The following DDHD1 variants were observed in gnomAD, a reference collection of about 807,000 sequenced individuals.
DDHD1 encodes the protein phospholipase DDHD1.
DDHD1 carries 49 observed loss-of-function variants against 96.4 expected under a neutral mutation model. That is an observed-to-expected ratio of 0.51 (90% CI 0.40 to 0.64). The LOEUF is 0.64. DDHD1 is among the 30% of genes least tolerant of loss of function. DDHD1 has a pLI of 0.00. For synonymous variants in DDHD1, 442 were observed against 446.5 expected, an observed-to-expected ratio of 0.99 and a Z score of 0.13; for missense variants, 1,106 against 1,161.2, an observed-to-expected ratio of 0.95 and a Z score of 0.69.
Position 53,061,207 on chromosome 14 carries a change from A to G in DDHD1, c.1767-6T>C, listed in dbSNP as rs1883520935. The G allele has an allele frequency of 1.2e-6, 2 of 1,608,486 alleles. No homozygotes were observed. Among genetic ancestry groups the G allele is most frequent in the Admixed American group, 1.7e-5 (1 of 58,166 alleles). On this transcript the variant is annotated splice_polypyrimidine_tract_variant and splice_region_variant and intron_variant, in intron 7 of 12. Transcript: ENST00000673822. The stretch of plus-strand genomic sequence containing the variant: ...GTTCTTCTATTTCCTTCAGCCTAAG[A>G]AGGGGTATGAGATTATATACACACA...
chr14:53,052,116 G>GAAATATAATCTCATA (rs1882638599), intron 11 of DDHD1, among the ~76,000 whole-genome samples, 189 bp from the exon 12 acceptor site: 1 of 151,942 alleles, frequency 6.6e-6, no homozygotes, highest in African/African-American at 2.4e-5. Flanking sequence ...TAACTAACTT[G>GAAATATAATCTCATA]AAATATAATC....
chr14:53,098,203 G>A (rs1485905610), intron 2 of DDHD1, among the ~76,000 whole-genome samples: 1 of 151,916 alleles, frequency 6.6e-6, no homozygotes, highest in Non-Finnish European at 1.5e-5. Context: ...ATTAGCAAAA[G>A]ATGCATAACC....
At position 53,153,002 on chromosome 14, in the gene DDHD1, C is replaced by G; in HGVS notation, c.97G>C (p.Ala33Pro). 6.5e-7 allele frequency: 1 copy of G among 1,541,524 alleles called. No homozygotes were observed. The highest frequency in any genetic ancestry group is 8.7e-7 in the Non-Finnish European group (1 of 1,146,378). The change falls in exon 1 of 13, where the codon GCG (alanine) becomes CCG (proline). Residue 33 changes from alanine to proline, a missense_variant. Around this residue, in one of 2 missense-constraint regions of DDHD1, gnomAD observed 456 missense variants for 402.4 expected, o/e 1.13. Coordinates refer to ENST00000673822, the MANE Select transcript of DDHD1 (RefSeq NM_001160148.2). ...AAGCAGCAGACGCCGCCGCCGAACG[C>G]TGGCCTCGCGTCTGAGCCCAGCTCC... ...AWELGSDARP[A>P]FGGGVCCFEH... is the part of the protein sequence containing the mutation.
intron 2 of DDHD1, among the ~76,000 whole-genome samples, chr14:53,095,702 A>C (rs1017040879): frequency 6.6e-6 from 1 of 152,210 alleles, no homozygotes; most frequent in Non-Finnish European, 1.5e-5. Flanking sequence ...ATCTTTTGCA[A>C]GGGTTTAACA....
At chr14:53,083,889 A>G (rs1885706282) in intron 4 of DDHD1, among the ~76,000 whole-genome samples, 3 of 152,116 alleles carry the variant, frequency 2.0e-5, no homozygotes, top group African/African-American at 7.2e-5. Flanking sequence ...AATGATAGCA[A>G]TGCTCCTTGT....
Position 53,101,548 on chromosome 14 carries a change from A to G in DDHD1, c.1012+2135T>C, listed in dbSNP as rs887484092. On this transcript the variant is annotated intron_variant, in intron 2 of 12. Coordinates refer to ENST00000673822, the MANE Select transcript of DDHD1 (RefSeq NM_001160148.2). The stretch of plus-strand genomic sequence containing the variant: ...GCAAAAGTGTTCTAATAATTTAATA[A>G]TTTTCCATTACTAATTAAAATTTTA... 5.9e-5 allele frequency among the ~76,000 whole-genome samples: 9 copies of G among 152,154 alleles called. No homozygotes were observed. In the East Asian group the frequency reaches 1.7e-3, roughly 29 times the overall value.
intron 1 of DDHD1, among the ~76,000 whole-genome samples, chr14:53,124,773 C>G (rs924955470): frequency 6.6e-6 from 1 of 152,204 alleles, no homozygotes; most frequent in South Asian, 2.1e-4. Context: ...TTTATTGTCT[C>G]TGTATTAGTT....
chr14:53,138,147 G>C (rs1295894725), intron 1 of DDHD1, among the ~76,000 whole-genome samples: 1 of 152,252 alleles, frequency 6.6e-6, no homozygotes, highest in Non-Finnish European at 1.5e-5. Context: ...GCCCATGCCT[G>C]TAATCCCAGG....
rs1595143363 is a variant in DDHD1 at position 53,083,709 on chromosome 14, C to T, written c.1289+8076G>A. ...TGATAAGGATGAAGTTTTGTATAGGCCCGAACACTGAACTTAGGAATGACA... is the reference window on the plus strand; with the variant it reads ...TGATAAGGATGAAGTTTTGTATAGGTCCGAACACTGAACTTAGGAATGACA... On this transcript the variant is annotated intron_variant, in intron 4 of 12. Transcript: ENST00000673822. Among the ~76,000 whole-genome samples, 5 of 152,282 alleles carry T rather than the reference C, an allele frequency of 3.3e-5. No homozygotes were observed. The Middle Eastern group carries it at 0.017, about 518-fold the overall frequency.
Position 53,137,920 on chromosome 14 carries a change from A to C in DDHD1, c.838+14341T>G, listed in dbSNP as rs144280055. 3.9e-4 allele frequency among the ~76,000 whole-genome samples: 59 copies of C among 152,306 alleles called. No individual in the cohort carries two copies. The East Asian group carries it at 0.01, about 27-fold the overall frequency. On this transcript the variant is annotated intron_variant, in intron 1 of 12. Transcript: ENST00000673822. ...GGGAGGAAGCTGTCAGGGAAAAAAA[A>C]GCTGAAAGTTAGAAGAACAAAGATA...
chr14:53,102,904 C>A, intron 2 of DDHD1: 3 of 856,674 alleles, frequency 3.5e-6, no homozygotes, highest in Non-Finnish European at 5.4e-6. Context: ...TATTTTAATT[C>A]ATTAGATTCA....
intron 1 of DDHD1, among the ~76,000 whole-genome samples, chr14:53,149,161 T>A (rs986437506): frequency 6.6e-6 from 1 of 152,210 alleles, no homozygotes; most frequent in Admixed American, 6.5e-5. Flanking sequence ...CCCAAATTAG[T>A]TCAAATTTTA....
chr14:53,049,641 TCTAA>T (rs1300971652), intron 12 of DDHD1, among the ~76,000 whole-genome samples: 4 of 134,738 alleles, frequency 3.0e-5, no homozygotes, highest in Non-Finnish European at 6.1e-5. Flanking sequence ...CCCTGGTTTC[TCTAA>T]CTGAGCTAGG....
At chr14:53,115,928 C>CT (rs1356886440) in intron 1 of DDHD1, among the ~76,000 whole-genome samples, 1 of 152,106 alleles carries the variant, frequency 6.6e-6, no homozygotes, top group Non-Finnish European at 1.5e-5. Flanking sequence ...AAGATACAGA[C>CT]TGGAAAACTG....
At chr14:53,087,852 A>C (rs893316063) in intron 4 of DDHD1, among the ~76,000 whole-genome samples, 23 of 152,110 alleles carry the variant, frequency 1.5e-4, no homozygotes, top group African/African-American at 5.6e-4. Flanking sequence ...AAAACCCTTC[A>C]AAAAAATCAA....
chr14:53,143,375 A>G (rs1291556480), intron 1 of DDHD1, among the ~76,000 whole-genome samples: 4 of 152,368 alleles, frequency 2.6e-5, no homozygotes, highest in Admixed American at 2.6e-4. Context: ...CGGTGCAGTA[A>G]AGAAATAGCT....
intron 4 of DDHD1, among the ~76,000 whole-genome samples, chr14:53,075,035 C>T (rs1002089860): frequency 1.3e-5 from 2 of 152,134 alleles, no homozygotes; most frequent in Non-Finnish European, 2.9e-5. Flanking sequence ...CAACCTTTCT[C>T]CTGCTCCGAG....
chr14:53,131,938 G>A (rs1889894656), intron 1 of DDHD1, among the ~76,000 whole-genome samples: 1 of 152,070 alleles, frequency 6.6e-6, no homozygotes, highest in African/African-American at 2.4e-5. Context: ...ATCATGTCCA[G>A]CTAATCTCCC....
chr14:53,141,492 C>T (rs529124454), intron 1 of DDHD1, among the ~76,000 whole-genome samples: 51 of 152,292 alleles, frequency 3.3e-4, no homozygotes, highest in African/African-American at 1.2e-3. Context: ...ACCAAATCTC[C>T]AGGGATAAGA....
Sources: allele counts gnomAD v4.1 joint callset (sites outside exome capture counted in the v4.1 genomes callset), GRCh38; gene constraint gnomAD v4.1.1; regional missense constraint gnomAD v4.1.1; transcripts MANE v1.5; gene names NCBI Gene and HGNC (gene_info 2026-07-23, HGNC 2026-07-21).